The following KCNQ1 variants were observed in gnomAD, a reference collection of about 807,000 sequenced individuals.
The protein encoded by KCNQ1 is potassium voltage-gated channel subfamily KQT member 1.
KCNQ1 carries 49 observed loss-of-function variants against 72.4 expected under a neutral mutation model. The ratio of observed to expected loss-of-function variants is 0.68; its 90% CI spans 0.54 to 0.86. The LOEUF (loss-of-function observed/expected upper bound fraction) is 0.86, where lower values mean the gene tolerates loss of function less well. KCNQ1 is among the 40% of genes least tolerant of loss of function. The probability of loss-of-function intolerance (pLI) is 0.00; values close to 1 mark genes in which losing one functional copy is unlikely to be tolerated. For synonymous variants in KCNQ1, 450 were observed against 412.6 expected, an observed-to-expected ratio of 1.09 and a Z score of -1.10; for missense variants, 790 against 945.1, an observed-to-expected ratio of 0.84 and a Z score of 2.15.
At chr11:2,554,449 G>A (rs1365560801) in intron 2 of KCNQ1, among the ~76,000 whole-genome samples, 1 of 152,220 alleles carries the variant, frequency 6.6e-6, no homozygotes. Context: ...GTGCTGACAT[G>A]TCATTCCTGA....
Position 2,608,142 on chromosome 11 carries a change from G to A in KCNQ1, c.1393+19288G>A, listed in dbSNP as rs1030955854. Among the ~76,000 whole-genome samples, 8 of 152,032 alleles carry A rather than the reference G, an allele frequency of 5.3e-5. No individual in the cohort carries two copies. Among genetic ancestry groups the A allele is most frequent in the Non-Finnish European group, 1.2e-4 (8 of 67,996 alleles). On this transcript the variant is annotated intron_variant, in intron 10 of 15. Coordinates refer to ENST00000155840, the MANE Select transcript of KCNQ1 (RefSeq NM_000218.3). This position sits in a 1 kb window ranked among gnomAD's most constrained non-coding sequence, Gnocchi z 4.6. ...TGATACTGGACTGAAAGAATGTATT[G>A]GAAAAATTTTCCTTCTCTTCTATTT...
At chr11:2,459,458 A>G (rs1490654799) in intron 1 of KCNQ1, among the ~76,000 whole-genome samples, 1 of 152,148 alleles carries the variant, frequency 6.6e-6, no homozygotes, top group Non-Finnish European at 1.5e-5. Flanking sequence ...GTCTTAGGTA[A>G]TGAGGAGCTG....
chr11:2,806,569 C>T (rs1289928418), intron 15 of KCNQ1, among the ~76,000 whole-genome samples: 1 of 152,116 alleles, frequency 6.6e-6, no homozygotes. Context: ...GTCTGTGCTC[C>T]CCACCGAGCA....
intron 10 of KCNQ1, chr11:2,650,881 T>C (rs916442748): frequency 7.5e-6 from 3 of 398,532 alleles, no homozygotes; most frequent in East Asian, 3.6e-5. Context: ...TCAGAGGGGA[T>C]GAGGAGCAGC....
At position 2,734,135 on chromosome 11, in the gene KCNQ1, C is replaced by T. The variant is rs373457209; in HGVS notation, c.1515-34709C>T. Among the ~76,000 whole-genome samples, 9 of 152,154 alleles carry T rather than the reference C, an allele frequency of 5.9e-5. No homozygotes were observed. Among genetic ancestry groups the T allele is most frequent in the African/African-American group, 2.2e-4 (9 of 41,422 alleles). On this transcript the variant is annotated intron_variant, in intron 11 of 15. Transcript: ENST00000155840. This position sits in a 1 kb window ranked among gnomAD's most constrained non-coding sequence, Gnocchi z 7.0. ...TCTAGCACTGGCAGGGGTGGTCCTG[C>T]TCCGGCCCCAGGGCCCGCAGGTGTG... is the stretch of plus-strand genomic sequence containing the variant.
At chr11:2,606,801 T>A (rs1423965795) in intron 10 of KCNQ1, among the ~76,000 whole-genome samples, 1 of 151,674 alleles carries the variant, frequency 6.6e-6, no homozygotes, top group Non-Finnish European at 1.5e-5. Flanking sequence ...AAATGTTGAA[T>A]AGAAGTGGAA....
chr11:2,774,561 T>A (rs2133987593), intron 12 of KCNQ1, among the ~76,000 whole-genome samples: 1 of 152,112 alleles, frequency 6.6e-6, no homozygotes, highest in Admixed American at 6.5e-5. Context: ...AGGGAGGAGG[T>A]CTCTGCCCTG....
chr11:2,594,544 T>C (rs888164532), intron 10 of KCNQ1, among the ~76,000 whole-genome samples: 4 of 152,244 alleles, frequency 2.6e-5, no homozygotes, highest in South Asian at 2.1e-4. Context: ...AAACTTCTAT[T>C]TGACCATCTC....
At chr11:2,786,475 A>G (rs1846915934) in intron 15 of KCNQ1, among the ~76,000 whole-genome samples, 1 of 151,960 alleles carries the variant, frequency 6.6e-6, no homozygotes, top group Non-Finnish European at 1.5e-5. Flanking sequence ...GTTCTAGATT[A>G]TTCTCAGTTA....
At chr11:2,629,412 T>G (rs979450566) in intron 10 of KCNQ1, 1 of 398,388 alleles carries the variant, frequency 2.5e-6, no homozygotes, top group Non-Finnish European at 4.4e-6. Flanking sequence ...CCAAATCCAA[T>G]GTCATGCAGT....
chr11:2,524,170 G>A (rs759671584), intron 1 of KCNQ1, among the ~76,000 whole-genome samples: 21 of 152,140 alleles, frequency 1.4e-4, no homozygotes, highest in Non-Finnish European at 1.9e-4. Flanking sequence ...AGGAAGAGAC[G>A]GGAGGATGGA....
In KCNQ1 at chr11:2,683,029, G is replaced by A. The variant is rs1850424520; in HGVS notation, c.1514+20948G>A. 7.5e-6 allele frequency: 3 copies of A among 398,680 alleles called. No individual in the cohort carries two copies. The highest frequency in any genetic ancestry group is 8.8e-5 in the Admixed American group (2 of 22,730). The allele number at this position is 398,680 out of a possible 1,614,324, so 24.7% of individuals were successfully genotyped here. On this transcript the variant is annotated intron_variant, in intron 11 of 15. Transcript: ENST00000155840. This position sits in a 1 kb window ranked among gnomAD's most constrained non-coding sequence, Gnocchi z 4.7. ...GCCTTAGTTCTGCCTCCTGAGAGAG[G>A]TGACCTTCTCCCACTTCTTACAGGC...
At position 2,559,518 on chromosome 11, in the gene KCNQ1, C is replaced by T. The variant is rs1309024480; in HGVS notation, c.478-11110C>T. On this transcript the variant is annotated intron_variant, in intron 2 of 15. Coordinates refer to ENST00000155840, the MANE Select transcript of KCNQ1 (RefSeq NM_000218.3). This position sits in a 1 kb window ranked among gnomAD's most constrained non-coding sequence, Gnocchi z 4.9. ...TCATGCCGCCTGTCAGGATGGTGTC[C>T]GGGATGTGGGGACCAGACGACAGCT... Among the ~76,000 whole-genome samples the T allele has an allele frequency of 2.0e-5, 3 of 152,160 alleles. No individual in the cohort carries two copies. Among genetic ancestry groups the T allele is most frequent in the South Asian group, 4.1e-4 (2 of 4,828 alleles).
chr11:2,719,893 G>A (rs1197347494), intron 11 of KCNQ1, among the ~76,000 whole-genome samples: 3 of 152,228 alleles, frequency 2.0e-5, no homozygotes, highest in Non-Finnish European at 4.4e-5. Flanking sequence ...ACAGAAAGAC[G>A]GAAATGGACA....
Position 2,592,641 on chromosome 11 carries a change from C to T in KCNQ1, c.1393+3787C>T, listed in dbSNP as rs920887917. On this transcript the variant is annotated intron_variant, in intron 10 of 15. Transcript: ENST00000155840. This position sits in a 1 kb window ranked among gnomAD's most constrained non-coding sequence, Gnocchi z 5.2. Reference sequence around the variant, plus strand: ...TGAAGGATGCATGGGGACCCAACCGCATGCCACTTGGCTTGGCAGTGTCAA... The same window carrying T: ...TGAAGGATGCATGGGGACCCAACCGTATGCCACTTGGCTTGGCAGTGTCAA... Among the ~76,000 whole-genome samples, 9 of 152,234 alleles carry T rather than the reference C, an allele frequency of 5.9e-5. No individual in the cohort carries two copies. The highest frequency in any genetic ancestry group is 1.2e-4 in the Non-Finnish European group (8 of 68,034).
Position 2,848,086 on chromosome 11 carries a change from C to A in KCNQ1, c.*83C>A, listed in dbSNP as rs1219214397. The A allele has an allele frequency of 8.5e-7, 1 of 1,179,294 alleles. No individual in the cohort carries two copies. Among genetic ancestry groups the A allele is most frequent in the Admixed American group, 2.0e-5 (1 of 50,446 alleles). 73.1% of individuals were successfully genotyped at this position (1,179,294 alleles called of 1,614,324 possible). ...ACCTGGCCCTCTCTGAAGGAGGCCA[C>A]CTCCTAAAAGGCCCAGAGAGAAGAG... On this transcript the variant is annotated 3_prime_UTR_variant, in exon 16 of 16. Coordinates refer to ENST00000155840, the MANE Select transcript of KCNQ1 (RefSeq NM_000218.3).
chr11:2,552,123 T>G (rs1359527333), intron 2 of KCNQ1, among the ~76,000 whole-genome samples: 1 of 152,220 alleles, frequency 6.6e-6, no homozygotes, highest in Admixed American at 6.5e-5. Context: ...TTCTTCTTTT[T>G]TTTTTTCTTT....
intron 1 of KCNQ1, among the ~76,000 whole-genome samples, chr11:2,501,268 A>C (rs1020943693): frequency 1.3e-5 from 2 of 152,104 alleles, no homozygotes; most frequent in African/African-American, 4.8e-5. Flanking sequence ...AAAAGATAAA[A>C]TTGACAAACC....
Position 2,479,152 on chromosome 11 carries a change from G to T in KCNQ1, c.386+33668G>T, listed in dbSNP as rs944011094. On this transcript the variant is annotated intron_variant, in intron 1 of 15. Transcript: ENST00000155840. This position sits in a 1 kb window ranked among gnomAD's most constrained non-coding sequence, Gnocchi z 4.6. ...CCCTCCTGGCTGCTTTCACAGGCTG[G>T]CATTGAGTGTCTGCAGCTTTTCCAG... Among the ~76,000 whole-genome samples the T allele has an allele frequency of 6.6e-6, 1 of 152,170 alleles. No homozygotes were observed. Among genetic ancestry groups the T allele is most frequent in the African/African-American group, 2.4e-5 (1 of 41,438 alleles).
Sources: allele counts gnomAD v4.1 joint callset (sites outside exome capture counted in the v4.1 genomes callset), GRCh38; gene constraint gnomAD v4.1.1; non-coding constraint Gnocchi (gnomAD v3.1); transcripts MANE v1.5; gene names NCBI Gene and HGNC (gene_info 2026-07-23, HGNC 2026-07-21).